The following TRPC7 variants were observed in gnomAD, a reference collection of about 807,000 sequenced individuals.
TRPC7 encodes the protein short transient receptor potential channel 7.
In TRPC7, 42 loss-of-function variants were observed where a neutral mutation model predicts 90.1. The observed-to-expected ratio is 0.47, with a 90% CI of 0.36 to 0.60. The LOEUF (loss-of-function observed/expected upper bound fraction) is 0.60, where lower values mean the gene tolerates loss of function less well. TRPC7 is among the 20% of genes least tolerant of loss of function. The probability of loss-of-function intolerance (pLI) is 0.00; values close to 1 mark genes in which losing one functional copy is unlikely to be tolerated. For missense variants in TRPC7, 955 were observed against 1,112.3 expected, an observed-to-expected ratio of 0.86 and a Z score of 2.01; for synonymous variants, 451 against 436.3, an observed-to-expected ratio of 1.03 and a Z score of -0.42.
At chr5:136,277,298 A>G (rs1452306072) in intron 3 of TRPC7, among the ~76,000 whole-genome samples, 1 of 152,194 alleles carries the variant, frequency 6.6e-6, no homozygotes, top group Non-Finnish European at 1.5e-5. Flanking sequence ...CTCTGATTGG[A>G]CCTTTGCTAA....
chr5:136,242,286 T>C (rs546811277), intron 7 of TRPC7, among the ~76,000 whole-genome samples: 1 of 152,288 alleles, frequency 6.6e-6, no homozygotes, highest in South Asian at 2.1e-4. Context: ...CATTTTCAGT[T>C]TCTAATAGAA....
chr5:136,213,702 C>T (rs974375212), intron 11 of TRPC7, 98 bp from the exon 12 acceptor site: 40 of 1,395,126 alleles, frequency 2.9e-5, no homozygotes, highest in Middle Eastern at 2.6e-4. Context: ...AGTGGAATGT[C>T]GGGTCCTGGG....
chr5:136,363,505 A>AC (rs989132327), intron 1 of TRPC7, among the ~76,000 whole-genome samples: 1 of 152,062 alleles, frequency 6.6e-6, no homozygotes, highest in Admixed American at 6.6e-5. Flanking sequence ...ATACCTAACT[A>AC]CCCCAAGGTA....
chr5:136,237,471 C>T (rs576539999), intron 7 of TRPC7, among the ~76,000 whole-genome samples: 11 of 152,322 alleles, frequency 7.2e-5, no homozygotes, highest in South Asian at 2.1e-4. Flanking sequence ...GCTGAATAAA[C>T]GAATGAATGA....
At chr5:136,296,084 G>A (rs192367610) in intron 3 of TRPC7, among the ~76,000 whole-genome samples, 2 of 152,252 alleles carry the variant, frequency 1.3e-5, no homozygotes, top group African/African-American at 4.8e-5. Flanking sequence ...GTAAGGCTCC[G>A]GTATGGAAAT....
intron 5 of TRPC7, among the ~76,000 whole-genome samples, chr5:136,256,786 T>G (rs1323782240): frequency 6.6e-6 from 1 of 152,240 alleles, no homozygotes; most frequent in Non-Finnish European, 1.5e-5. Context: ...CCTATGATAT[T>G]CCACAGTTTT....
At chr5:136,323,335 A>G (rs1028418611) in intron 2 of TRPC7, among the ~76,000 whole-genome samples, 1 of 152,220 alleles carries the variant, frequency 6.6e-6, no homozygotes, top group Non-Finnish European at 1.5e-5. Flanking sequence ...ATGTGAAAAC[A>G]GACTACTACA....
chr5:136,243,039 CACTGGGCG>C (rs1756218556), intron 7 of TRPC7, among the ~76,000 whole-genome samples: 2 of 152,178 alleles, frequency 1.3e-5, no homozygotes, highest in African/African-American at 4.8e-5. Flanking sequence ...AACTGGAAGA[CACTGGGCG>C]ATAGGGCAGG....
intron 3 of TRPC7, among the ~76,000 whole-genome samples, chr5:136,295,578 T>C (rs1758140384): frequency 6.6e-6 from 1 of 152,104 alleles, no homozygotes; most frequent in Non-Finnish European, 1.5e-5. Context: ...GGCCCAGGCC[T>C]CCTCCAGGCT....
chr5:136,226,449 G>C lies in TRPC7; in HGVS notation c.2041-194C>G, dbSNP rs1755634712. The C allele has an allele frequency of 1.1e-4, 63 of 590,826 alleles. 1 individual carries two copies. In the South Asian group the frequency reaches 1.3e-3, roughly 12 times the overall value. The allele number at this position is 590,826 out of a possible 1,614,324, so 36.6% of individuals were successfully genotyped here. ...AAACCATGCACAATGGTCACTTTCT[G>C]CCTGTCTTCTTTGGACTCATGGCTG... is the stretch of plus-strand genomic sequence containing the variant. On this transcript the variant is annotated intron_variant, in intron 8 of 11. Coordinates refer to ENST00000513104, the MANE Select transcript of TRPC7 (RefSeq NM_020389.3).
At chr5:136,260,732 C>T (rs1291997122) in intron 5 of TRPC7, among the ~76,000 whole-genome samples, 1 of 152,126 alleles carries the variant, frequency 6.6e-6, no homozygotes, top group Non-Finnish European at 1.5e-5. Context: ...ATGGATCACT[C>T]TAGCTCCTGC....
At chr5:136,257,251 C>T (rs1756715639) in intron 5 of TRPC7, among the ~76,000 whole-genome samples, 2 of 150,504 alleles carry the variant, frequency 1.3e-5, no homozygotes, top group Non-Finnish European at 2.9e-5. Flanking sequence ...GGTGCGATCT[C>T]AGCTCACTGC....
intron 2 of TRPC7, among the ~76,000 whole-genome samples, chr5:136,347,572 G>T (rs1760049775): frequency 6.6e-6 from 1 of 152,166 alleles, no homozygotes; most frequent in African/African-American, 2.4e-5. Flanking sequence ...GAAGATTAAA[G>T]TCCACTGGAA....
At chr5:136,326,866 C>A (rs917647492) in intron 2 of TRPC7, among the ~76,000 whole-genome samples, 2 of 152,052 alleles carry the variant, frequency 1.3e-5, no homozygotes, top group Non-Finnish European at 2.9e-5. Flanking sequence ...GAAAGGAAGA[C>A]AGGACTTTGA....
intron 3 of TRPC7, among the ~76,000 whole-genome samples, chr5:136,283,393 G>A (rs1043541408): frequency 6.6e-6 from 1 of 152,142 alleles, no homozygotes; most frequent in Non-Finnish European, 1.5e-5. Context: ...TTTCTAAAAG[G>A]GCAGTCCCCC....
intron 10 of TRPC7, among the ~76,000 whole-genome samples, chr5:136,218,008 A>ACT (rs2149792291): frequency 7.0e-6 from 1 of 143,780 alleles, no homozygotes; most frequent in African/African-American, 2.6e-5. Context: ...ACAGAGCAAG[A>ACT]CTCTAATTCA....
At chr5:136,317,500 G>T (rs891264349) in intron 2 of TRPC7, among the ~76,000 whole-genome samples, 1 of 152,138 alleles carries the variant, frequency 6.6e-6, no homozygotes, top group Non-Finnish European at 1.5e-5. Context: ...GCATAGCACT[G>T]GTAAGCCAGA....
At chr5:136,319,984 A>C (rs1322875486) in intron 2 of TRPC7, among the ~76,000 whole-genome samples, 2 of 152,142 alleles carry the variant, frequency 1.3e-5, no homozygotes, top group Non-Finnish European at 2.9e-5. Flanking sequence ...AATACCACCC[A>C]TACACTGGAG....
At chr5:136,276,575 C>T (rs1168205118) in intron 3 of TRPC7, among the ~76,000 whole-genome samples, 1 of 152,196 alleles carries the variant, frequency 6.6e-6, no homozygotes, top group African/African-American at 2.4e-5. Context: ...TCTTTGAGGA[C>T]ATTACCAAAG....
Sources: gnomAD v4.1 joint callset for allele counts (sites outside exome capture counted in the v4.1 genomes callset) on GRCh38, gnomAD v4.1.1 for gene constraint, MANE v1.5 for transcripts, NCBI Gene and HGNC (gene_info 2026-07-23, HGNC 2026-07-21) for gene names.